EPB41L1: variants seen among roughly 807,000 people sequenced by gnomAD.
EPB41L1 encodes the protein band 4.1-like protein 1.
A neutral mutation model predicts 97.8 loss-of-function variants in EPB41L1; 29 were observed. That is an observed-to-expected ratio of 0.30 (90% confidence interval 0.22 to 0.40). EPB41L1 has a LOEUF of 0.40. Among genes scored for constraint, EPB41L1 ranks in the 10% least tolerant of loss-of-function variants. EPB41L1 has a pLI of 1.00. For missense variants in EPB41L1, 812 were observed against 1,162.3 expected (o/e 0.70, Z 4.38); for synonymous variants, 383 against 459.2 (o/e 0.83, Z 2.12).
intron 2 of EPB41L1, among the ~76,000 whole-genome samples, chr20:36,127,776 C>T (rs1600450731): frequency 6.6e-6 from 1 of 152,022 alleles, no homozygotes. Flanking sequence ...TTCCATGGCC[C>T]TCCTCGTGCC....
At chr20:36,197,303 G>C (rs2062253106) in intron 13 of EPB41L1, among the ~76,000 whole-genome samples, 1 of 152,214 alleles carries the variant, frequency 6.6e-6, no homozygotes, top group South Asian at 2.1e-4. Flanking sequence ...TGCATGTTGG[G>C]CTAGGAGGGG....
At position 36,222,275 on chromosome 20, in the gene EPB41L1, C is replaced by T. The variant is rs2063828217; in HGVS notation, c.2521-3C>T. The stretch of plus-strand genomic sequence containing the variant: ...TCCTTCCTTTGCTGTTCTTTACCAC[C>T]AGGCCCTGGCTTTGGCCATCAAGGA... On this transcript the variant is annotated splice_polypyrimidine_tract_variant and splice_region_variant and intron_variant, in intron 20 of 21. Transcript: ENST00000338074. The T allele has an allele frequency of 1.2e-6, 2 of 1,611,932 alleles. No homozygotes were observed. The highest frequency in any genetic ancestry group is 1.7e-6 in the Non-Finnish European group (2 of 1,177,980).
intron 2 of EPB41L1, among the ~76,000 whole-genome samples, chr20:36,125,239 C>G (rs1380471837): frequency 2.0e-5 from 3 of 152,108 alleles, no homozygotes; most frequent in Non-Finnish European, 4.4e-5. Flanking sequence ...GGAGGGGACA[C>G]AGTTAGGAGC....
intron 1 of EPB41L1, chr20:36,109,703 G>T (rs2058324162): frequency 6.6e-6 from 1 of 152,178 alleles, no homozygotes; most frequent in South Asian, 2.1e-4. Flanking sequence ...TTCTGCAAGT[G>T]ATCAGGCAAA....
intron 2 of EPB41L1, among the ~76,000 whole-genome samples, chr20:36,124,111 C>T (rs760376729): frequency 1.2e-4 from 18 of 151,958 alleles, no homozygotes; most frequent in African/African-American, 3.4e-4. Flanking sequence ...AGAAATTAGC[C>T]GGGTGTGGTG....
intron 2 of EPB41L1, among the ~76,000 whole-genome samples, chr20:36,137,967 T>A (rs1198546310): frequency 6.6e-6 from 1 of 152,226 alleles, no homozygotes; most frequent in Admixed American, 6.5e-5. Context: ...AATCATACAG[T>A]GTTTGTCTTT....
chr20:36,107,517 CTTTTTT>C (rs35325837), intron 1 of EPB41L1, among the ~76,000 whole-genome samples: 4 of 132,346 alleles, frequency 3.0e-5, no homozygotes, highest in African/African-American at 1.1e-4. Flanking sequence ...CCGTGCCCGG[CTTTTTT>C]TTTTTTTTTT....
At position 36,190,559 on chromosome 20, in the gene EPB41L1, C is replaced by A; in HGVS notation, c.1125-63C>A. On this transcript the variant is annotated intron_variant, in intron 10 of 21. Transcript: ENST00000338074. This position sits in a 1 kb window ranked among gnomAD's most constrained non-coding sequence, Gnocchi z 5.8. ...AGTGGGATGAAAGGCCAGCTGTGGT[C>A]TAACCTTGGGCCTGGCAGTGCAGGT... 1 of 1,605,104 alleles carries A rather than the reference C, an allele frequency of 6.2e-7. No homozygotes were observed. Among genetic ancestry groups the A allele is most frequent in the South Asian group, 1.1e-5 (1 of 90,634 alleles).
intron 1 of EPB41L1, among the ~76,000 whole-genome samples, chr20:36,099,532 A>G (rs1047167663): frequency 6.6e-5 from 10 of 152,166 alleles, no homozygotes; most frequent in Non-Finnish European, 1.5e-4. Flanking sequence ...GGCCATTGTC[A>G]TATCCGCTGC....
In EPB41L1 at chr20:36,219,801, C is replaced by T. The variant is rs1170871646; in HGVS notation, c.2396C>T (p.Thr799Ile). 1 of 1,614,242 alleles carries T rather than the reference C, an allele frequency of 6.2e-7. No homozygotes were observed. The highest frequency in any genetic ancestry group is 2.2e-5 in the East Asian group (1 of 44,888). Residue 799 changes from threonine to isoleucine, a missense_variant, in exon 19 of 22, where the codon ACT becomes ATT. Thr to Ile is a moderately conservative substitution (Grantham distance 89, BLOSUM62 -1). Transcript: ENST00000338074. ...KDVLTSTYGATAETLSTSTTT... is the reference protein window; with the variant it reads ...KDVLTSTYGAIAETLSTSTTT... ...GTCCTCACCAGCACCTACGGCGCCA[C>T]TGCGGAAACCCTCTCAACCTCCACC...
intron 2 of EPB41L1, chr20:36,125,619 G>C: frequency 6.6e-7 from 1 of 1,505,230 alleles, no homozygotes; most frequent in Non-Finnish European, 8.9e-7. Context: ...TGGAGTGGCA[G>C]GAGTTTCCTG....
chr20:36,159,300 G>A (rs1007600928), intron 1 of EPB41L1, among the ~76,000 whole-genome samples: 34 of 152,172 alleles, frequency 2.2e-4, no homozygotes, highest in African/African-American at 7.2e-4. Context: ...TATAATAGCA[G>A]TAAATTGGGA....
intron 2 of EPB41L1, among the ~76,000 whole-genome samples, chr20:36,113,408 TTGTGTGTGTGTGTGTGTGTGTGTGTG>T (rs3057822): frequency 8.9e-4 from 128 of 143,546 alleles, no homozygotes; most frequent in Middle Eastern, 7.1e-3. Context: ...AACTTTCCAT[TTGTGTGTGTGTGTGTGTGTGTGTGTG>T]TGTGTGTGTG....
intron 21 of EPB41L1, among the ~76,000 whole-genome samples, chr20:36,222,858 G>A (rs1569379301): frequency 6.6e-6 from 1 of 152,140 alleles, no homozygotes; most frequent in Non-Finnish European, 1.5e-5. Context: ...AAGGGGCCAT[G>A]ATGACCAGAG....
intron 14 of EPB41L1, chr20:36,208,202 A>G: frequency 3.2e-6 from 1 of 314,202 alleles, no homozygotes; most frequent in Non-Finnish European, 6.3e-6. Flanking sequence ...GGGAAAGTTG[A>G]CAGTCCAGAG....
Position 36,212,462 on chromosome 20 carries a change from C to T in EPB41L1, c.2184+86C>T. On this transcript the variant is annotated intron_variant, in intron 16 of 21. Coordinates refer to ENST00000338074, the MANE Select transcript of EPB41L1 (RefSeq NM_012156.2). This position sits in a 1 kb window ranked among gnomAD's most constrained non-coding sequence, Gnocchi z 4.8. ...CCACTGCTGTGGCCAAACCCCTTGG[C>T]CAGCTCTTTTAATCTCAGCTTCCCT... The T allele has an allele frequency of 8.8e-7, 1 of 1,140,768 alleles. No homozygotes were observed. The highest frequency in any genetic ancestry group is 1.3e-6 in the Non-Finnish European group (1 of 762,980). 70.7% of individuals were successfully genotyped at this position (1,140,768 alleles called of 1,614,324 possible). A position where few individuals can be genotyped will look rare whatever the true frequency, so the allele number is the denominator to read the frequency against.
rs2064525685 is a variant in EPB41L1, at chr20:36,232,329, G to A, written c.*2989G>A. ...CTGAGGGCGGTTAGGAGTTCTGGGT[G>A]ACCATCCTGGCTCAGCTCCTAACTC... On this transcript the variant is annotated 3_prime_UTR_variant, in exon 22 of 22. Coordinates refer to ENST00000338074, the MANE Select transcript of EPB41L1 (RefSeq NM_012156.2). 9.2e-6 allele frequency: 3 copies of A among 326,730 alleles called. No homozygotes were observed. The highest frequency in any genetic ancestry group is 6.4e-5 in the African/African-American group (3 of 47,186). 20.2% of individuals were successfully genotyped at this position (326,730 alleles called of 1,614,324 possible).
intron 21 of EPB41L1, among the ~76,000 whole-genome samples, chr20:36,223,736 A>G (rs1335328606): frequency 6.6e-6 from 1 of 152,162 alleles, no homozygotes; most frequent in African/African-American, 2.4e-5. Context: ...ATTCACAAGG[A>G]AGAGGGAAGG....
chr20:36,197,876 A>G lies in EPB41L1; in HGVS notation c.1503A>G (p.Glu501=). ...ATCCCTAGTTCTTAGACAAGCCAGA[A>G]GATGTCTTGCTGAAGCACCAGGCCA... is the stretch of plus-strand genomic sequence containing the variant. ...RHKQEFLDKP[E]DVLLKHQASI... The change falls in exon 14 of 22, where the codon GAA becomes GAG. Residue 501 remains glutamate (E), a synonymous_variant. Transcript: ENST00000338074. 1 of 1,614,150 alleles carries G rather than the reference A, an allele frequency of 6.2e-7. No individual in the cohort carries two copies. The highest frequency in any genetic ancestry group is 8.5e-7 in the Non-Finnish European group (1 of 1,180,026).
Sources: gnomAD v4.1 joint callset for allele counts (sites outside exome capture counted in the v4.1 genomes callset) on GRCh38, gnomAD v4.1.1 for gene constraint, Gnocchi (gnomAD v3.1) non-coding constraint, MANE v1.5 for transcripts, NCBI Gene and HGNC (gene_info 2026-07-23, HGNC 2026-07-21) for gene names.